Variants in CAMKMT observed in about 807,000 individuals in gnomAD.
CAMKMT encodes the protein CaM KMT.
CAMKMT carries 53 observed loss-of-function variants against 48.0 expected under a neutral mutation model. That is an observed-to-expected ratio of 1.10 (90% confidence interval 0.89 to 1.39). The LOEUF (loss-of-function observed/expected upper bound fraction) is 1.39. Ranked by LOEUF, CAMKMT falls within the 40% of genes most tolerant of loss-of-function variation. The pLI is 0.00. For synonymous variants in CAMKMT, 165 were observed against 152.3 expected (o/e 1.08, Z -0.61); for missense variants, 428 against 402.7 (o/e 1.06, Z -0.54).
Position 44,759,771 on chromosome 2 carries a change from G to T in CAMKMT, c.762+5653G>T, listed in dbSNP as rs574874986. The stretch of plus-strand genomic sequence containing the variant: ...CTTTTCTAATATCTACCCAGATGCT[G>T]TTCAGCACATACAGTAATGTGTGCT... On this transcript the variant is annotated intron_variant, in intron 9 of 10. Transcript: ENST00000378494. Among the ~76,000 whole-genome samples, 9 of 152,256 alleles carry T rather than the reference G, an allele frequency of 5.9e-5. No individual in the cohort carries two copies. In the South Asian group the frequency reaches 1.7e-3, roughly 28 times the overall value.
chr2:44,654,638 G>A (rs1357300077), intron 3 of CAMKMT, among the ~76,000 whole-genome samples: 3 of 151,984 alleles, frequency 2.0e-5, no homozygotes, highest in Non-Finnish European at 2.9e-5. Context: ...TTGGCCTCCC[G>A]AGTAGCTGGG....
intron 3 of CAMKMT, among the ~76,000 whole-genome samples, chr2:44,440,250 C>T (rs1666564251): frequency 1.3e-5 from 2 of 152,262 alleles, no homozygotes; most frequent in South Asian, 4.2e-4. Flanking sequence ...GTTCTAAAAG[C>T]CAACTTGGGC....
At chr2:44,601,910 T>C (rs1671015084) in intron 3 of CAMKMT, among the ~76,000 whole-genome samples, 1 of 152,108 alleles carries the variant, frequency 6.6e-6, no homozygotes, top group African/African-American at 2.4e-5. Flanking sequence ...GTCCTTTGAT[T>C]GTTTTTTCTC....
At chr2:44,664,908 G>C (rs1403771212) in intron 3 of CAMKMT, among the ~76,000 whole-genome samples, 1 of 152,214 alleles carries the variant, frequency 6.6e-6, no homozygotes, top group African/African-American at 2.4e-5. Flanking sequence ...GTGGGTCACA[G>C]TGATTCTCAG....
intron 7 of CAMKMT, among the ~76,000 whole-genome samples, chr2:44,722,636 T>A (rs543334333): frequency 2.7e-4 from 41 of 152,090 alleles, no homozygotes; most frequent in Non-Finnish European, 4.7e-4. Context: ...AAAAATGCAC[T>A]GCACTTGAAA....
At chr2:44,399,473 T>C (rs974095467) in intron 3 of CAMKMT, among the ~76,000 whole-genome samples, 5 of 151,970 alleles carry the variant, frequency 3.3e-5, no homozygotes, top group Admixed American at 2.6e-4. Flanking sequence ...AACAATAAAT[T>C]TGTTGGGGGA....
At chr2:44,589,896 G>GAAAAAAAAAAAAAAAC (rs888613058) in intron 3 of CAMKMT, among the ~76,000 whole-genome samples, 1 of 60,390 alleles carries the variant, frequency 1.7e-5, no homozygotes, top group Non-Finnish European at 3.3e-5. Flanking sequence ...AAAAAAAAAA[G>GAAAAAAAAAAAAAAAC]AAAAAAAAAA....
intron 3 of CAMKMT, among the ~76,000 whole-genome samples, chr2:44,669,228 C>T (rs1675187913): frequency 6.6e-6 from 1 of 152,096 alleles, no homozygotes; most frequent in African/African-American, 2.4e-5. Context: ...TTATGTTGCT[C>T]ACCTTTAGAT....
intron 3 of CAMKMT, among the ~76,000 whole-genome samples, chr2:44,503,978 G>T (rs698831): frequency 6.8e-6 from 1 of 146,578 alleles, no homozygotes. Context: ...GGGGAAGAGC[G>T]GGTGGGGAGA....
intron 3 of CAMKMT, among the ~76,000 whole-genome samples, chr2:44,413,085 A>C (rs1421010433): frequency 1.3e-5 from 2 of 152,022 alleles, no homozygotes; most frequent in Admixed American, 1.3e-4. Flanking sequence ...CAAAAAAAAT[A>C]AAATAAAATA....
At chr2:44,369,561 G>A (rs1162134611) in intron 1 of CAMKMT, 1 of 152,176 alleles carries the variant, frequency 6.6e-6, no homozygotes, top group Non-Finnish European at 1.5e-5. Flanking sequence ...GTATAAAGCT[G>A]CAACTGGCCA....
chr2:44,372,967 T>C, intron 2 of CAMKMT, 79 bp downstream of exon 2: 1 of 1,298,020 alleles, frequency 7.7e-7, no homozygotes. Flanking sequence ...AGAATCATCA[T>C]TATTTATTCT....
At chr2:44,510,771 G>T (rs1670501717) in intron 3 of CAMKMT, among the ~76,000 whole-genome samples, 1 of 152,004 alleles carries the variant, frequency 6.6e-6, no homozygotes, top group African/African-American at 2.4e-5. Flanking sequence ...GGTATACACT[G>T]TACCCAGTAT....
chr2:44,598,345 TCA>T (rs1197925710), intron 3 of CAMKMT, among the ~76,000 whole-genome samples: 2 of 152,042 alleles, frequency 1.3e-5, no homozygotes, highest in Non-Finnish European at 2.9e-5. Context: ...TAGATTTTAG[TCA>T]CAAAAACCAA....
At chr2:44,589,883 T>TTAAAAAAA (rs1317497090) in intron 3 of CAMKMT, among the ~76,000 whole-genome samples, 1 of 23,268 alleles carries the variant, frequency 4.3e-5, no homozygotes, top group Non-Finnish European at 8.8e-5. Context: ...GAATGATCAA[T>TTAAAAAAA]AAAAAAAAAA....
chr2:44,610,993 G>A (rs1268913662), intron 3 of CAMKMT, among the ~76,000 whole-genome samples: 1 of 152,202 alleles, frequency 6.6e-6, no homozygotes, highest in African/African-American at 2.4e-5. Context: ...ATAAAGAGAA[G>A]TAGATAGAGA....
intron 3 of CAMKMT, among the ~76,000 whole-genome samples, chr2:44,406,766 T>G (rs558666616): frequency 2.6e-5 from 4 of 152,028 alleles, no homozygotes; most frequent in African/African-American, 9.7e-5. Flanking sequence ...CCTGCTTGTT[T>G]TTTGTATGGT....
chr2:44,612,745 T>C (rs1671667365), intron 3 of CAMKMT, among the ~76,000 whole-genome samples: 2 of 152,210 alleles, frequency 1.3e-5, no homozygotes, highest in African/African-American at 4.8e-5. Flanking sequence ...TTAAGTAACA[T>C]GTTTATTAAA....
At chr2:44,731,123 T>C (rs1460598054) in intron 7 of CAMKMT, among the ~76,000 whole-genome samples, 1 of 152,196 alleles carries the variant, frequency 6.6e-6, no homozygotes, top group Non-Finnish European at 1.5e-5. Context: ...GGTGGATCAC[T>C]TGAGGCCAGA....
Sources: gnomAD v4.1 joint callset for allele counts (sites outside exome capture counted in the v4.1 genomes callset) on GRCh38, gnomAD v4.1.1 for gene constraint, MANE v1.5 for transcripts, NCBI Gene and HGNC (gene_info 2026-07-23, HGNC 2026-07-21) for gene names.